Variants in VANGL1 observed in about 807,000 individuals in gnomAD.
VANGL1 encodes vang-like protein 1.
VANGL1 carries 18 observed loss-of-function variants against 48.4 expected under a neutral mutation model. The observed-to-expected ratio is 0.37, with a 90% confidence interval of 0.26 to 0.55. VANGL1 has a LOEUF of 0.55. Among genes scored for constraint, VANGL1 ranks in the 20% least tolerant of loss-of-function variants. VANGL1 has a pLI of 0.81. For synonymous variants in VANGL1, 257 were observed against 261.8 expected (o/e 0.98, Z 0.18); for missense variants, 667 against 675.8 (o/e 0.99, Z 0.14).
chr1:115,663,951 A>G lies in VANGL1; in HGVS notation c.495A>G (p.Ile165Met). The part of the protein sequence containing the change: ...SMAFKLLILL[I>M]GTWALFFRKR... ...CATTCAAACTCCTCATTCTGCTCAT[A>G]GGGACCTGGGCACTTTTTTTCCGCA... is the stretch of plus-strand genomic sequence containing the variant. The change falls in exon 4 of 8, where the codon ATA becomes ATG. Residue 165 changes from isoleucine (I) to methionine (M), a missense_variant. Ile to Met is a conservative substitution (Grantham distance 10). Coordinates refer to ENST00000355485, the MANE Select transcript of VANGL1 (RefSeq NM_138959.3). The G allele has an allele frequency of 1.2e-6, 2 of 1,614,226 alleles. No individual in the cohort carries two copies. Among genetic ancestry groups the G allele is most frequent in the Non-Finnish European group, 1.7e-6 (2 of 1,180,040 alleles).
intron 4 of VANGL1, among the ~76,000 whole-genome samples, chr1:115,680,030 A>AT (rs1653325613): frequency 4.2e-5 from 6 of 143,190 alleles, no homozygotes; most frequent in African/African-American, 1.4e-4. Context: ...TGTATGTGAG[A>AT]GAGAGAGAGA....
At chr1:115,679,491 CTGCTGAGGCCCCG>C (rs899525507) in intron 4 of VANGL1, among the ~76,000 whole-genome samples, 1 of 152,210 alleles carries the variant, frequency 6.6e-6, no homozygotes, top group African/African-American at 2.4e-5. Context: ...TGGAGAGCAT[CTGCTGAGGCCCCG>C]TGCTGGAAGG....
Position 115,691,459 on chromosome 1 carries a change from T to C in VANGL1, c.*80T>C. On this transcript the variant is annotated 3_prime_UTR_variant, in exon 8 of 8. Coordinates refer to ENST00000355485, the MANE Select transcript of VANGL1 (RefSeq NM_138959.3). ...TATATCTATGCCAGAGGGGTGTCTT[T>C]TTTAAAAATTCTTCTTCATTGCTGA... The C allele has an allele frequency of 2.7e-6, 4 of 1,459,994 alleles. No homozygotes were observed. In the South Asian group the frequency reaches 5.5e-5, roughly 20 times the overall value. 90.4% of individuals were successfully genotyped at this position (1,459,994 alleles called of 1,614,324 possible). A position where few individuals can be genotyped will look rare whatever the true frequency, so the allele number is the denominator to read the frequency against.
At position 115,651,378 on chromosome 1, in the gene VANGL1, A is replaced by G. The variant is rs771589773; in HGVS notation, c.-36A>G. ...TTTTCTACCTCTAAGGAGAAACAGT[A>G]CCTGCTCCTTCCTCAAGCGCAAGCC... is the stretch of plus-strand genomic sequence containing the variant. On this transcript the variant is annotated 5_prime_UTR_variant, in exon 2 of 8. Coordinates refer to ENST00000355485, the MANE Select transcript of VANGL1 (RefSeq NM_138959.3). 1 of 1,599,238 alleles carries G rather than the reference A, an allele frequency of 6.3e-7. No homozygotes were observed. The highest frequency in any genetic ancestry group is 8.6e-7 in the Non-Finnish European group (1 of 1,167,430).
Position 115,691,435 on chromosome 1 carries a change from A to G in VANGL1, c.*56A>G, listed in dbSNP as rs1653832276. On this transcript the variant is annotated 3_prime_UTR_variant, in exon 8 of 8. Transcript: ENST00000355485. The stretch of plus-strand genomic sequence containing the variant: ...AAAAGAAAAATATATAGAGAGATAT[A>G]TATCTATGCCAGAGGGGTGTCTTTT... 2 of 1,550,476 alleles carry G rather than the reference A, an allele frequency of 1.3e-6. No homozygotes were observed. The highest frequency in any genetic ancestry group is 1.9e-5 in the Admixed American group (1 of 53,154).
chr1:115,647,979 A>G (rs1652000824), intron 1 of VANGL1, among the ~76,000 whole-genome samples: 1 of 152,218 alleles, frequency 6.6e-6, no homozygotes, highest in Admixed American at 6.5e-5. Flanking sequence ...TGCTGTGTTC[A>G]AGGAGCTTCT....
chr1:115,655,113 G>A (rs1012455928), intron 2 of VANGL1, among the ~76,000 whole-genome samples: 1 of 152,108 alleles, frequency 6.6e-6, no homozygotes, highest in Non-Finnish European at 1.5e-5. Context: ...TGTGTCCTGC[G>A]CCCAGCGCTC....
intron 4 of VANGL1, among the ~76,000 whole-genome samples, chr1:115,680,945 G>A (rs1447205889): frequency 6.6e-6 from 1 of 152,176 alleles, no homozygotes; most frequent in Non-Finnish European, 1.5e-5. Context: ...CAAAGGGCAA[G>A]ATAAAAATAT....
chr1:115,691,069 C>T, intron 7 of VANGL1, 50 bp from the exon 8 acceptor site: 1 of 1,613,804 alleles, frequency 6.2e-7, no homozygotes, highest in South Asian at 1.1e-5. Flanking sequence ...GCAGTACTGC[C>T]CTTAAAACAG....
At chr1:115,659,856 ATT>A in intron 3 of VANGL1, 83 bp downstream of exon 3, 5 of 1,586,164 alleles carry the variant, frequency 3.2e-6, no homozygotes, top group Non-Finnish European at 4.3e-6. Flanking sequence ...GTTCTCTTGG[ATT>A]TTTGTCTTTA....
intron 2 of VANGL1, 147 bp downstream of exon 2, chr1:115,651,631 C>A: frequency 1.4e-6 from 1 of 708,246 alleles, no homozygotes. Context: ...ATTTAACATT[C>A]TTGGGAGTAA....
At chr1:115,673,116 A>G (rs1196467850) in intron 4 of VANGL1, among the ~76,000 whole-genome samples, 1 of 152,170 alleles carries the variant, frequency 6.6e-6, no homozygotes, top group Non-Finnish European at 1.5e-5. Flanking sequence ...AAATGCAGCC[A>G]CCAGAGCAGG....
chr1:115,681,503 G>GTTGTT lies in VANGL1; in HGVS notation c.813-859_813-858insGTTTT, dbSNP rs1553189431. ...CAGCGGAGGCTCTCTTTTTTTTGTT[G>GTTGTT]TTTTTTTTGTTTTTTTTTTTGAGAC... is the stretch of plus-strand genomic sequence containing the variant. On this transcript the variant is annotated intron_variant, in intron 4 of 7. Transcript: ENST00000355485. Among the ~76,000 whole-genome samples the GTTGTT allele has an allele frequency of 2.3e-3, 267 of 114,836 alleles. 6 individuals carry two copies. Among genetic ancestry groups the GTTGTT allele is most frequent in the South Asian group, 6.4e-3 (21 of 3,286 alleles). 75.3% of individuals were successfully genotyped at this position (114,836 alleles called of 152,430 possible).
At chr1:115,642,704 C>G (rs933793853) in intron 1 of VANGL1, 1 of 152,302 alleles carries the variant, frequency 6.6e-6, no homozygotes, top group Non-Finnish European at 1.5e-5. Context: ...GCGCAACAGG[C>G]AGGTAGGAGT....
chr1:115,645,881 T>C (rs1254947868), intron 1 of VANGL1, among the ~76,000 whole-genome samples: 1 of 152,200 alleles, frequency 6.6e-6, no homozygotes, highest in East Asian at 1.9e-4. Flanking sequence ...AATCTCTCTT[T>C]AAATTCAGTG....
intron 3 of VANGL1, among the ~76,000 whole-genome samples, chr1:115,663,427 A>G (rs1459262567): frequency 6.6e-6 from 1 of 152,256 alleles, no homozygotes; most frequent in East Asian, 1.9e-4. Context: ...ACAGACAGAA[A>G]GATCACATTA....
chr1:115,652,938 AT>A (rs376140876), intron 2 of VANGL1, among the ~76,000 whole-genome samples: 2 of 152,122 alleles, frequency 1.3e-5, no homozygotes, highest in African/African-American at 4.8e-5. Context: ...ATATTTTGTA[AT>A]TTTTAGAAAT....
Position 115,691,373 on chromosome 1 carries a change from C to T in VANGL1, c.1569C>T (p.Ser523=), listed in dbSNP as rs753066199. The T allele has an allele frequency of 1.4e-5, 23 of 1,612,978 alleles. No homozygotes were observed. The highest frequency in any genetic ancestry group is 7.7e-5 in the South Asian group (7 of 90,890). Reference sequence around the variant, plus strand: ...TCCTTCGCTTACAGTCTGAGACATCCGTTTAAAAGTTCTATATTTGTGGCT... The same window carrying T: ...TCCTTCGCTTACAGTCTGAGACATCTGTTTAAAAGTTCTATATTTGTGGCT... ...KFVLRLQSET[S]V is the part of the protein sequence containing the mutation. The change falls in exon 8 of 8, where the codon TCC becomes TCT. Residue 523 remains serine, a synonymous_variant. Coordinates refer to ENST00000355485, the MANE Select transcript of VANGL1 (RefSeq NM_138959.3).
At chr1:115,672,548 G>T (rs1234356111) in intron 4 of VANGL1, among the ~76,000 whole-genome samples, 1 of 151,116 alleles carries the variant, frequency 6.6e-6, no homozygotes, top group Non-Finnish European at 1.5e-5. Flanking sequence ...AGAAACCTGT[G>T]GATCTCCCCC....
Sources: gnomAD v4.1 joint callset for allele counts (sites outside exome capture counted in the v4.1 genomes callset) on GRCh38, gnomAD v4.1.1 for gene constraint, MANE v1.5 for transcripts, NCBI Gene and HGNC (gene_info 2026-07-23, HGNC 2026-07-21) for gene names.